Variants in UBE2D1 observed in about 807,000 individuals in gnomAD.
UBE2D1 encodes the protein ubiquitin-conjugating enzyme E2 D1.
UBE2D1 carries 9 observed loss-of-function variants against 24.6 expected under a neutral mutation model. The ratio of observed to expected loss-of-function variants is 0.37; its 90% confidence interval spans 0.22 to 0.64. The LOEUF (loss-of-function observed/expected upper bound fraction) is 0.64, where lower values mean the gene tolerates loss of function less well. Among genes scored for constraint, UBE2D1 ranks in the 30% least tolerant of loss-of-function variants. The probability of loss-of-function intolerance (pLI) is 0.64; values close to 1 mark genes in which losing one functional copy is unlikely to be tolerated. For missense variants in UBE2D1, 87 were observed against 177.1 expected, an observed-to-expected ratio of 0.49 and a Z score of 2.89; for synonymous variants, 57 against 57.6, an observed-to-expected ratio of 0.99 and a Z score of 0.04.
chr10:58,363,946 G>A (rs1840227315), intron 4 of UBE2D1, among the ~76,000 whole-genome samples: 1 of 151,754 alleles, frequency 6.6e-6, no homozygotes, highest in African/African-American at 2.4e-5. Context: ...TATTGGATAT[G>A]TGTAGTTTGG....
intron 5 of UBE2D1, among the ~76,000 whole-genome samples, chr10:58,366,408 T>A (rs1470871128): frequency 6.6e-6 from 1 of 152,158 alleles, no homozygotes; most frequent in Non-Finnish European, 1.5e-5. Context: ...CTGTTACCCT[T>A]TTCCTTACCT....
At chr10:58,349,621 T>A (rs1840051615) in intron 1 of UBE2D1, among the ~76,000 whole-genome samples, 1 of 152,190 alleles carries the variant, frequency 6.6e-6, no homozygotes, top group South Asian at 2.1e-4. Flanking sequence ...TTTTATGTTA[T>A]CATTATGTTA....
chr10:58,370,687 T>C lies in UBE2D1; in HGVS notation c.*1922T>C, dbSNP rs1840306955. 1 of 152,412 alleles carries C rather than the reference T, an allele frequency of 6.6e-6. No individual in the cohort carries two copies. The highest frequency in any genetic ancestry group is 2.4e-5 in the African/African-American group (1 of 41,448). The allele number at this position is 152,412 out of a possible 1,614,324, so 9.4% of individuals were successfully genotyped here. On this transcript the variant is annotated 3_prime_UTR_variant, in exon 7 of 7. Transcript: ENST00000373910. ...ACAAAAAAAAAAAACAACTTTCATT[T>C]GTGTGGCATTTATTTTTGGAAGTGT...
intron 3 of UBE2D1, among the ~76,000 whole-genome samples, chr10:58,361,989 A>G (rs1840203969): frequency 6.6e-6 from 1 of 152,126 alleles, no homozygotes; most frequent in Non-Finnish European, 1.5e-5. Flanking sequence ...AAATATTACA[A>G]TGGGTCTGTC....
chr10:58,345,000 G>A (rs1840000814), intron 1 of UBE2D1, among the ~76,000 whole-genome samples: 1 of 151,870 alleles, frequency 6.6e-6, no homozygotes, highest in Non-Finnish European at 1.5e-5. Context: ...GAGTAGCTGG[G>A]TCTACAGGTG....
intron 3 of UBE2D1, 47 bp from the exon 4 acceptor site, chr10:58,363,558 TATAA>T: frequency 7.6e-7 from 1 of 1,323,654 alleles, no homozygotes; most frequent in Non-Finnish European, 1.0e-6. Flanking sequence ...ATTTTGTTGT[TATAA>T]ATAAATATAG....
chr10:58,343,221 T>C (rs1015715581), intron 1 of UBE2D1, among the ~76,000 whole-genome samples: 2 of 152,224 alleles, frequency 1.3e-5, no homozygotes, highest in African/African-American at 4.8e-5. Context: ...AGGTTATTTC[T>C]AAGAAATGGA....
Position 58,363,420 on chromosome 10 carries a change from C to T in UBE2D1, c.121-189C>T, listed in dbSNP as rs1682478853. Among the ~76,000 whole-genome samples the T allele has an allele frequency of 2.0e-5, 3 of 152,092 alleles. No individual in the cohort carries two copies. The South Asian group carries it at 6.2e-4, about 31-fold the overall frequency. On this transcript the variant is annotated intron_variant, in intron 3 of 6. Transcript: ENST00000373910. Reference sequence around the variant, plus strand: ...TCCTCCTTCGTACCTGCAGAGAAACCTGTTCTCAAAGTAAATGATTTGAAC... The same window carrying T: ...TCCTCCTTCGTACCTGCAGAGAAACTTGTTCTCAAAGTAAATGATTTGAAC...
intron 1 of UBE2D1, among the ~76,000 whole-genome samples, chr10:58,338,672 A>T (rs1839929927): frequency 6.6e-6 from 1 of 152,110 alleles, no homozygotes; most frequent in African/African-American, 2.4e-5. Context: ...CTAAAGGGCA[A>T]AAAAAAGGAA....
At chr10:58,340,849 C>A (rs530654438) in intron 1 of UBE2D1, among the ~76,000 whole-genome samples, 1 of 152,306 alleles carries the variant, frequency 6.6e-6, no homozygotes, top group South Asian at 2.1e-4. Flanking sequence ...CTTCTCTTAT[C>A]CACATGAACT....
intron 3 of UBE2D1, among the ~76,000 whole-genome samples, chr10:58,361,956 T>C (rs890498495): frequency 4.6e-5 from 7 of 152,180 alleles, no homozygotes; most frequent in African/African-American, 1.7e-4. Flanking sequence ...ATCACTGTTC[T>C]TTTTTGTGAA....
At chr10:58,362,201 A>T (rs74398168) in intron 3 of UBE2D1, among the ~76,000 whole-genome samples, 1 of 152,152 alleles carries the variant, frequency 6.6e-6, no homozygotes, top group Non-Finnish European at 1.5e-5. Context: ...AAGAATGAGC[A>T]CTGACAGCTC....
At chr10:58,355,776 T>C (rs1208932679) in intron 1 of UBE2D1, among the ~76,000 whole-genome samples, 2 of 152,204 alleles carry the variant, frequency 1.3e-5, no homozygotes, top group East Asian at 1.9e-4. Flanking sequence ...ATACAACTTA[T>C]ATAACCACTG....
chr10:58,349,614 T>G (rs558464532), intron 1 of UBE2D1, among the ~76,000 whole-genome samples: 2 of 152,322 alleles, frequency 1.3e-5, no homozygotes, highest in Non-Finnish European at 2.9e-5. Context: ...CCCTTTTTTT[T>G]ATGTTATCAT....
chr10:58,364,641 T>C, intron 4 of UBE2D1, 130 bp from the exon 5 acceptor site: 1 of 628,218 alleles, frequency 1.6e-6, no homozygotes, highest in South Asian at 2.0e-5. Context: ...ATTTGATTTG[T>C]GTTGATGACT....
rs977226415 is a variant in UBE2D1, at chr10:58,369,746, A to G, written c.*981A>G. ...TATATAAATTTTATTGTTTTAGGTTAGTATCTCTTTACTAAATTGTCAGTC... is the reference window on the plus strand; with the variant it reads ...TATATAAATTTTATTGTTTTAGGTTGGTATCTCTTTACTAAATTGTCAGTC... On this transcript the variant is annotated 3_prime_UTR_variant, in exon 7 of 7. Transcript: ENST00000373910. 1 of 152,100 alleles carries G rather than the reference A, an allele frequency of 6.6e-6. No homozygotes were observed. The highest frequency in any genetic ancestry group is 2.4e-5 in the African/African-American group (1 of 41,444). 9.4% of individuals were successfully genotyped at this position (152,100 alleles called of 1,614,324 possible). A position where few individuals can be genotyped will look rare whatever the true frequency, so the allele number is the denominator to read the frequency against.
At chr10:58,355,441 T>A (rs967939152) in intron 1 of UBE2D1, among the ~76,000 whole-genome samples, 1 of 152,160 alleles carries the variant, frequency 6.6e-6, no homozygotes, top group Non-Finnish European at 1.5e-5. Context: ...TGAACTGTAA[T>A]TGATATTTGA....
chr10:58,361,997 G>C (rs1407381858), intron 3 of UBE2D1, among the ~76,000 whole-genome samples: 2 of 152,064 alleles, frequency 1.3e-5, no homozygotes, highest in Non-Finnish European at 2.9e-5. Flanking sequence ...CAATGGGTCT[G>C]TCTTTACCTC....
At chr10:58,367,814 G>T in intron 5 of UBE2D1, 109 bp from the exon 6 acceptor site, 1 of 543,922 alleles carries the variant, frequency 1.8e-6, no homozygotes, top group Non-Finnish European at 3.0e-6. Flanking sequence ...TTCATTTTAT[G>T]TTTTTTTTAT....
Sources: gnomAD v4.1 joint callset for allele counts (sites outside exome capture counted in the v4.1 genomes callset) on GRCh38, gnomAD v4.1.1 for gene constraint, MANE v1.5 for transcripts, NCBI Gene and HGNC (gene_info 2026-07-23, HGNC 2026-07-21) for gene names.